VDR: variants seen among roughly 807,000 people sequenced by gnomAD.
VDR encodes vitamin D3 receptor.
Under a neutral mutation model 39.7 loss-of-function variants are expected in VDR, and 19 were observed. That is an observed-to-expected ratio of 0.48 (90% CI 0.33 to 0.70). The LOEUF is 0.70. Ranked by LOEUF, VDR falls within the 30% of genes least tolerant of loss-of-function variation. The probability of loss-of-function intolerance (pLI) is 0.02; values close to 1 mark genes in which losing one functional copy is unlikely to be tolerated. For synonymous variants in VDR, 242 were observed against 215.8 expected (o/e 1.12, Z -1.07); for missense variants, 442 against 570.5 (o/e 0.77, Z 2.29).
intron 3 of VDR, among the ~76,000 whole-genome samples, chr12:47,867,226 T>C (rs1224162974): frequency 6.6e-6 from 1 of 152,110 alleles, no homozygotes; most frequent in Admixed American, 6.5e-5. Flanking sequence ...CGGTGGCACA[T>C]GCCTATAGTC....
chr12:47,850,768 G>A (rs1698681900), intron 7 of VDR, among the ~76,000 whole-genome samples: 2 of 152,062 alleles, frequency 1.3e-5, no homozygotes, highest in South Asian at 4.2e-4. Flanking sequence ...ACCCTCCTCT[G>A]TCTTCACGCC....
Position 47,873,028 on chromosome 12 carries a change from C to G in VDR, c.146+5940G>C, listed in dbSNP as rs78813796. Among the ~76,000 whole-genome samples the G allele has an allele frequency of 1.7e-3, 260 of 152,290 alleles. 4 individuals carry two copies. The highest frequency in any genetic ancestry group is 5.5e-3 in the African/African-American group (227 of 41,562). On this transcript the variant is annotated intron_variant, in intron 3 of 9. Transcript: ENST00000549336. ...ATTAGAATCAAGAACTGTTTGACTC[C>G]AAGGAATCTGACTGATATGGTTTGG... is the stretch of plus-strand genomic sequence containing the variant.
intron 3 of VDR, among the ~76,000 whole-genome samples, chr12:47,876,755 C>T (rs1324059482): frequency 6.6e-6 from 1 of 152,224 alleles, no homozygotes; most frequent in Non-Finnish European, 1.5e-5. Context: ...CACCCAGATG[C>T]CTCACATGCT....
At chr12:47,892,343 A>C (rs970256228) in intron 1 of VDR, among the ~76,000 whole-genome samples, 7 of 152,190 alleles carry the variant, frequency 4.6e-5, no homozygotes, top group Admixed American at 2.6e-4. Flanking sequence ...GCCACGTAGG[A>C]AGTTCCCACT....
intron 4 of VDR, among the ~76,000 whole-genome samples, chr12:47,858,634 C>T (rs1378784378): frequency 2.6e-5 from 4 of 152,246 alleles, no homozygotes; most frequent in Non-Finnish European, 4.4e-5. Context: ...CCTGGCACGG[C>T]GGCTGGGCAA....
intron 9 of VDR, among the ~76,000 whole-genome samples, chr12:47,845,891 T>C (rs886901182): frequency 6.6e-6 from 1 of 152,146 alleles, no homozygotes; most frequent in Non-Finnish European, 1.5e-5. Context: ...GCGGAAGAGG[T>C]CAAGGGTCAC....
At chr12:47,871,302 C>CTTTCTTTCTTTCTTTCT (rs1303705706) in intron 3 of VDR, among the ~76,000 whole-genome samples, 10 of 120,312 alleles carry the variant, frequency 8.3e-5, no homozygotes, top group African/African-American at 3.2e-4. Flanking sequence ...CTCTTTCTTT[C>CTTTCTTTCTTTCTTTCT]TTTCTTTCTT....
chr12:47,857,317 T>C (rs980912374), intron 5 of VDR, 68 bp from the exon 6 acceptor site: 30 of 1,612,472 alleles, frequency 1.9e-5, no homozygotes, highest in Non-Finnish European at 2.3e-5. Flanking sequence ...CCCTGATCTC[T>C]GATAGGAATG....
intron 4 of VDR, among the ~76,000 whole-genome samples, chr12:47,859,923 T>TTCTCTTTC (rs1555151337): frequency 1.6e-4 from 8 of 50,982 alleles, no homozygotes; most frequent in Non-Finnish European, 3.0e-4. Context: ...CCTTCTTTCT[T>TTCTCTTTC]TTTCTTTCTT....
At position 47,865,048 on chromosome 12, in the gene VDR, C is replaced by A. The variant is rs779687938; in HGVS notation, c.276G>T (p.Glu92Asp). 2 of 1,613,208 alleles carry A rather than the reference C, an allele frequency of 1.2e-6. No homozygotes were observed. Among genetic ancestry groups the A allele is most frequent in the South Asian group, 1.1e-5 (1 of 91,076 alleles). ...CCTGCCCAGCCCCTGGACACTCACA[C>A]TCCTTCATCATGCCGATGTCCACAC... is the stretch of plus-strand genomic sequence containing the variant. The part of the protein sequence containing the change: ...KRCVDIGMMK[E>D]FILTDEEVQR... The change falls in exon 4 of 10, where the codon GAG becomes GAT. Residue 92 changes from glutamate to aspartate, a missense_variant and splice_region_variant. Physicochemically the swap from Glu to Asp is conservative, Grantham distance 45. Around this residue, in one of 5 missense-constraint regions of VDR, gnomAD observed 141 missense variants for 141.3 expected, o/e 1.00. Coordinates refer to ENST00000549336, the MANE Select transcript of VDR (RefSeq NM_000376.3).
rs1433706740 is a variant in VDR at position 47,879,027 on chromosome 12, G to A, written c.87C>T (p.Asp29=). The A allele has an allele frequency of 6.2e-7, 1 of 1,614,176 alleles. No homozygotes were observed. The highest frequency in any genetic ancestry group is 8.5e-7 in the Non-Finnish European group (1 of 1,180,022). ...CATTGAAGTGAAAGCCAGTGGCTCG[G>A]TCTCCACACACCCCACAGATCCGGG... ...NVPRICGVCG[D]RATGFHFNAM... Residue 29 remains aspartate (D), a synonymous_variant, in exon 3 of 10, where the codon GAC becomes GAT. Transcript: ENST00000549336.
chr12:47,846,237 G>T, intron 9 of VDR, 98 bp downstream of exon 9: 2 of 989,046 alleles, frequency 2.0e-6, no homozygotes, highest in Non-Finnish European at 3.1e-6. Flanking sequence ...CTTTTGCTAC[G>T]TCTCCCTTCA....
At chr12:47,874,352 T>C (rs1033141536) in intron 3 of VDR, among the ~76,000 whole-genome samples, 9 of 152,194 alleles carry the variant, frequency 5.9e-5, no homozygotes, top group Non-Finnish European at 8.8e-5. Flanking sequence ...CTATTTTCTC[T>C]CCTTTAAGCA....
intron 3 of VDR, among the ~76,000 whole-genome samples, chr12:47,873,852 A>G (rs12721397): frequency 0.21 from 32,322 of 151,858 alleles, 3,472 homozygotes; most frequent in Middle Eastern, 0.25. Context: ...TGTTTGAAGG[A>G]CTCCTCTAGG....
At position 47,843,077 on chromosome 12, in the gene VDR, GTC is replaced by G. The variant is rs1180549210; in HGVS notation, c.*1667_*1668del. 1 of 152,156 alleles carries G rather than the reference GTC, an allele frequency of 6.6e-6. No individual in the cohort carries two copies. Among genetic ancestry groups the G allele is most frequent in the African/African-American group, 2.4e-5 (1 of 41,424 alleles). The allele number at this position is 152,156 out of a possible 1,614,324, so 9.4% of individuals were successfully genotyped here. On this transcript the variant is annotated 3_prime_UTR_variant, in exon 10 of 10. Transcript: ENST00000549336. ...TATATTAGACTATAATACAAATGGA[GTC>G]TGAGTCTGAAAACAACTCATATCTA... is the stretch of plus-strand genomic sequence containing the variant.
intron 4 of VDR, among the ~76,000 whole-genome samples, chr12:47,858,770 A>C (rs1945549391): frequency 6.6e-6 from 1 of 152,244 alleles, no homozygotes. Flanking sequence ...GGGGAGTTTC[A>C]CAAGAGCAGA....
chr12:47,863,777 A>G (rs1440221633), intron 4 of VDR, among the ~76,000 whole-genome samples: 1 of 152,186 alleles, frequency 6.6e-6, no homozygotes, highest in South Asian at 2.1e-4. Context: ...CCGTCAGATC[A>G]GGAGGGAGGA....
At chr12:47,892,521 G>A (rs1225526556) in intron 1 of VDR, among the ~76,000 whole-genome samples, 1 of 152,244 alleles carries the variant, frequency 6.6e-6, no homozygotes. Flanking sequence ...GCCAGGGATA[G>A]GATGTGGCGG....
intron 2 of VDR, among the ~76,000 whole-genome samples, chr12:47,879,672 C>A (rs1010625498): frequency 3.3e-5 from 5 of 152,168 alleles, no homozygotes; most frequent in African/African-American, 4.8e-5. Context: ...GTCATTCCAG[C>A]CCCAGCTCCT....
Sources: gnomAD v4.1 joint callset for allele counts (sites outside exome capture counted in the v4.1 genomes callset) on GRCh38, gnomAD v4.1.1 for gene constraint, gnomAD v4.1.1 regional missense constraint, MANE v1.5 for transcripts, NCBI Gene and HGNC (gene_info 2026-07-23, HGNC 2026-07-21) for gene names.